Variants in ABCB5 observed in about 807,000 individuals in gnomAD.
ABCB5 encodes ATP binding cassette subfamily B member 5, also known as ATP-binding cassette sub-family B member 5.
A neutral mutation model predicts 144.2 loss-of-function variants in ABCB5; 155 were observed. That is an observed-to-expected ratio of 1.08 (90% CI 0.94 to 1.23). The LOEUF is 1.23. Ranked by LOEUF, ABCB5 falls within the 50% of genes most tolerant of loss-of-function variation. ABCB5 has a pLI of 0.00. For missense variants in ABCB5, 1,830 were observed against 1,520.8 expected, an observed-to-expected ratio of 1.20 and a Z score of -3.38; for synonymous variants, 610 against 528.6, an observed-to-expected ratio of 1.15 and a Z score of -2.11.
Position 20,756,018 on chromosome 7 carries a change from G to A in ABCB5, c.*394G>A, listed in dbSNP as rs1783077824. The A allele has an allele frequency of 1.1e-5, 2 of 187,674 alleles. No individual in the cohort carries two copies. Among genetic ancestry groups the A allele is most frequent in the Non-Finnish European group, 2.2e-5 (2 of 89,956 alleles). 11.6% of individuals were successfully genotyped at this position (187,674 alleles called of 1,614,324 possible). ...GGCAGTGTAAGATAGAGTGGGGCCTGTAGCATTGCAGGGAGAGTGTCTTTC... is the reference window on the plus strand; with the variant it reads ...GGCAGTGTAAGATAGAGTGGGGCCTATAGCATTGCAGGGAGAGTGTCTTTC... On this transcript the variant is annotated 3_prime_UTR_variant, in exon 28 of 28. Coordinates refer to ENST00000404938, the MANE Select transcript of ABCB5 (RefSeq NM_001163941.2).
chr7:20,720,535 T>TACCA (rs111329618), intron 20 of ABCB5, among the ~76,000 whole-genome samples: 2 of 151,710 alleles, frequency 1.3e-5, no homozygotes, highest in Non-Finnish European at 2.9e-5. Context: ...ATCACTTCTC[T>TACCA]AAGATGCATA....
intron 16 of ABCB5, among the ~76,000 whole-genome samples, chr7:20,689,684 C>A (rs1253595608): frequency 2.6e-5 from 4 of 152,152 alleles, no homozygotes; most frequent in East Asian, 1.9e-4. Flanking sequence ...AGAAAAAAAA[C>A]CATCCTGCAG....
Position 20,632,184 on chromosome 7 carries a change from C to A in ABCB5, c.314+71C>A, listed in dbSNP as rs954420148. 3.8e-5 allele frequency: 43 copies of A among 1,119,216 alleles called. No individual in the cohort carries two copies. In the South Asian group the frequency reaches 4.1e-4, roughly 11 times the overall value. 69.3% of individuals were successfully genotyped at this position (1,119,216 alleles called of 1,614,324 possible). On this transcript the variant is annotated intron_variant, in intron 5 of 27. Coordinates refer to ENST00000404938, the MANE Select transcript of ABCB5 (RefSeq NM_001163941.2). ...TTATTTAAAGCTTACAAGAAAAAAG[C>A]AACTGAAATTTTGTATGACCATTAA...
intron 20 of ABCB5, among the ~76,000 whole-genome samples, chr7:20,722,212 T>A (rs1040683099): frequency 1.1e-4 from 16 of 152,330 alleles, no homozygotes; most frequent in Admixed American, 4.6e-4. Flanking sequence ...TGGCAGGGTG[T>A]TAGTATCTAT....
At chr7:20,679,166 C>G (rs1785705595) in intron 14 of ABCB5, among the ~76,000 whole-genome samples, 1 of 151,820 alleles carries the variant, frequency 6.6e-6, no homozygotes, top group African/African-American at 2.4e-5. Context: ...GAAAAGACAC[C>G]ATTAAGAGAG....
chr7:20,711,996 T>G (rs112623688), intron 20 of ABCB5, among the ~76,000 whole-genome samples: 2 of 142,248 alleles, frequency 1.4e-5, no homozygotes, highest in African/African-American at 5.3e-5. Context: ...TCCCAGCACT[T>G]TGGGAGGCCG....
rs754416887 is a variant in ABCB5 at position 20,643,645 on chromosome 7, G to C, written c.678+13G>C. The C allele has an allele frequency of 1.5e-5, 25 of 1,613,024 alleles. No individual in the cohort carries two copies. In the African/African-American group the frequency reaches 3.1e-4, roughly 20 times the overall value. On this transcript the variant is annotated intron_variant, in intron 7 of 27. Coordinates refer to ENST00000404938, the MANE Select transcript of ABCB5 (RefSeq NM_001163941.2). ...AGCATGTTCTAGGGTAAGTGAGATG[G>C]CTAATGCAATATTGAATGGAAGCAG...
At chr7:20,631,069 A>C (rs1393363679) in intron 4 of ABCB5, among the ~76,000 whole-genome samples, 6 of 152,186 alleles carry the variant, frequency 3.9e-5, no homozygotes, top group African/African-American at 1.4e-4. Flanking sequence ...CCTATAAATA[A>C]AAATATGAAT....
intron 20 of ABCB5, among the ~76,000 whole-genome samples, chr7:20,708,271 T>A (rs893524670): frequency 2.0e-5 from 3 of 152,150 alleles, no homozygotes; most frequent in African/African-American, 7.2e-5. Context: ...AGAAAGATAA[T>A]CAAATCTACA....
intron 14 of ABCB5, among the ~76,000 whole-genome samples, chr7:20,672,242 T>C (rs1315940169): frequency 6.6e-6 from 1 of 152,214 alleles, no homozygotes; most frequent in Non-Finnish European, 1.5e-5. Flanking sequence ...AAAATATTTC[T>C]CCTGATTCTA....
intron 17 of ABCB5, 53 bp from the exon 18 acceptor site, chr7:20,699,772 T>C (rs1397170676): frequency 3.2e-6 from 4 of 1,264,902 alleles, no homozygotes; most frequent in South Asian, 1.4e-5. Flanking sequence ...TCACTTTTTC[T>C]GTTTCTTTTA....
chr7:20,743,030 G>T lies in ABCB5; in HGVS notation c.3178G>T (p.Val1060Phe), dbSNP rs147802386. The T allele has an allele frequency of 6.2e-7, 1 of 1,614,140 alleles. No individual in the cohort carries two copies. The change falls in exon 25 of 28, where the codon GTT (valine) becomes TTT (phenylalanine). Residue 1060 changes from valine (V) to phenylalanine (F), a missense_variant. Val to Phe is a conservative substitution (Grantham distance 50). Transcript: ENST00000404938. ...CAGCGGCTGTGGGAAAAGCACTTCT[G>T]TTCAACTTCTGCAGAGACTTTATGA... ...GSSGCGKSTS[V>F]QLLQRLYDPV...
intron 20 of ABCB5, among the ~76,000 whole-genome samples, chr7:20,719,671 G>A (rs1402141492): frequency 6.6e-6 from 1 of 152,184 alleles, no homozygotes; most frequent in Non-Finnish European, 1.5e-5. Flanking sequence ...AGCCAGAGCA[G>A]GGTGAGGAGG....
chr7:20,727,560 C>T (rs1427944380), intron 22 of ABCB5, among the ~76,000 whole-genome samples: 1 of 152,056 alleles, frequency 6.6e-6, no homozygotes. Context: ...CATGATGAAA[C>T]CCCATCTCTA....
At chr7:20,680,325 G>A (rs750630059) in intron 14 of ABCB5, among the ~76,000 whole-genome samples, 3 of 152,154 alleles carry the variant, frequency 2.0e-5, no homozygotes, top group Non-Finnish European at 2.9e-5. Context: ...TTGGGAGGCC[G>A]AGGCGGGTGC....
At chr7:20,665,774 T>TAG (rs1225849000) in intron 14 of ABCB5, among the ~76,000 whole-genome samples, 35 of 135,460 alleles carry the variant, frequency 2.6e-4, no homozygotes, top group African/African-American at 9.4e-4. Flanking sequence ...TAGAGATACA[T>TAG]ACATACATAC....
chr7:20,699,791 C>T (rs776271114), intron 17 of ABCB5, 34 bp from the exon 18 acceptor site: 4 of 1,416,024 alleles, frequency 2.8e-6, no homozygotes, highest in Non-Finnish European at 3.9e-6. Flanking sequence ...TATATTTTCC[C>T]CCAAACACCT....
chr7:20,689,535 T>C lies in ABCB5; in HGVS notation c.2010+3699T>C, dbSNP rs555000238. ...AGGGTGCAGGCATTAGTGACCTGGC[T>C]GAGACATAGGACTGTGCTCATAGTT... On this transcript the variant is annotated intron_variant, in intron 16 of 27. Transcript: ENST00000404938. Among the ~76,000 whole-genome samples the C allele has an allele frequency of 7.9e-5, 12 of 152,290 alleles. 1 individual carries two copies. Among genetic ancestry groups the C allele is most frequent in the Admixed American group, 1.3e-4 (2 of 15,292 alleles).
intron 21 of ABCB5, among the ~76,000 whole-genome samples, chr7:20,726,279 G>A (rs1237715252): frequency 6.7e-6 from 1 of 148,766 alleles, no homozygotes; most frequent in Non-Finnish European, 1.5e-5. Flanking sequence ...TTCCTGTAAT[G>A]TTCCTGAGTC....
Sources: allele counts gnomAD v4.1 joint callset (sites outside exome capture counted in the v4.1 genomes callset), GRCh38; gene constraint gnomAD v4.1.1; transcripts MANE v1.5; gene names NCBI Gene and HGNC (gene_info 2026-07-23, HGNC 2026-07-21).